PPM1K: variants seen among roughly 807,000 people sequenced by gnomAD.
The protein encoded by PPM1K is protein phosphatase, Mg2+/Mn2+ dependent 1K, also known as protein phosphatase Mn(2+)-dependent 1K.
Under a neutral mutation model 32.6 loss-of-function variants are expected in PPM1K, and 19 were observed. The ratio of observed to expected loss-of-function variants is 0.58; its 90% CI spans 0.41 to 0.86. The LOEUF is 0.86. Ranked by LOEUF, PPM1K falls within the 40% of genes least tolerant of loss-of-function variation. The pLI is 0.00. For missense variants in PPM1K, 362 were observed against 461.2 expected, an observed-to-expected ratio of 0.78 and a Z score of 1.97; for synonymous variants, 159 against 165.3, an observed-to-expected ratio of 0.96 and a Z score of 0.29.
In PPM1K at chr4:88,262,741, A is replaced by T; in HGVS notation, c.988-15T>A. On this transcript the variant is annotated splice_polypyrimidine_tract_variant and intron_variant, in intron 6 of 6. Transcript: ENST00000608933. ...TACTGTATTGCCTGCAAGGTTTGGC[A>T]GGAAGAAAGAGAAAAACATTGGAAA... is the stretch of plus-strand genomic sequence containing the variant. 5.0e-6 allele frequency: 8 copies of T among 1,587,362 alleles called. No individual in the cohort carries two copies. The highest frequency in any genetic ancestry group is 1.7e-4 in the Middle Eastern group (1 of 5,938).
At chr4:88,282,640 T>C (rs78576407) in intron 1 of PPM1K, among the ~76,000 whole-genome samples, 2,749 of 152,278 alleles carry the variant, frequency 0.018, 34 homozygotes, top group East Asian at 0.032. Flanking sequence ...AATTTACTGC[T>C]TTACCTGAGG....
At chr4:88,276,917 T>C in intron 3 of PPM1K, 1 of 767,036 alleles carries the variant, frequency 1.3e-6, no homozygotes, top group Non-Finnish European at 1.8e-6. Flanking sequence ...CTTCTCTTTC[T>C]GAAAAATTCT....
intron 3 of PPM1K, among the ~76,000 whole-genome samples, chr4:88,272,734 T>G (rs1257365901): frequency 1.3e-5 from 2 of 152,202 alleles, no homozygotes; most frequent in Non-Finnish European, 2.9e-5. Flanking sequence ...GCAATAAAAA[T>G]AGCTGACAAT....
At chr4:88,277,741 A>G in intron 2 of PPM1K, 1 of 215,526 alleles carries the variant, frequency 4.6e-6, no homozygotes. Context: ...AATGCCAATC[A>G]TCCAAAGCTA....
intron 3 of PPM1K, among the ~76,000 whole-genome samples, chr4:88,272,250 C>A (rs1249122095): frequency 6.6e-6 from 1 of 151,410 alleles, no homozygotes; most frequent in Non-Finnish European, 1.5e-5. Context: ...CTTTTTTTTT[C>A]TTTTGGCTGT....
At position 88,277,105 on chromosome 4, in the gene PPM1K, A is replaced by G. The variant is rs1458402249; in HGVS notation, c.541+38T>C. 4.0e-6 allele frequency: 6 copies of G among 1,498,060 alleles called. No individual in the cohort carries two copies. The African/African-American group carries it at 8.3e-5, about 21-fold the overall frequency. 92.8% of individuals were successfully genotyped at this position (1,498,060 alleles called of 1,614,324 possible). On this transcript the variant is annotated intron_variant, in intron 3 of 6. Coordinates refer to ENST00000608933, the MANE Select transcript of PPM1K (RefSeq NM_152542.5). ...TTTTTACTCCTCCCCCACCCCATGTACTCCCTAGGATCCAAGGAATGTGAT... is the reference window on the plus strand; with the variant it reads ...TTTTTACTCCTCCCCCACCCCATGTGCTCCCTAGGATCCAAGGAATGTGAT...
chr4:88,268,692 A>G, intron 4 of PPM1K, 49 bp downstream of exon 4: 2 of 1,549,250 alleles, frequency 1.3e-6, no homozygotes, highest in Non-Finnish European at 1.8e-6. Context: ...ATTATGAACT[A>G]AAAACATCAT....
At chr4:88,283,896 C>A (rs1351455950) in intron 1 of PPM1K, 1 of 152,372 alleles carries the variant, frequency 6.6e-6, no homozygotes, top group Admixed American at 6.5e-5. Flanking sequence ...TAGCTGGGCT[C>A]CCTCGGCACC....
rs1159990842 is a variant in PPM1K, at chr4:88,268,289, C to T, written c.753G>A (p.Gln251=). The change falls in exon 5 of 7, where the codon CAG becomes CAA. Residue 251 remains glutamine (Q), a synonymous_variant. Coordinates refer to ENST00000608933, the MANE Select transcript of PPM1K (RefSeq NM_152542.5). ...TTGCAAGCCTGCCATTTACGTGAGG[C>T]TGCCCCAAACTATTCCAAGCTACAA... ...GGFVAWNSLG[Q]PHVNGRLAMT... 3 of 1,614,032 alleles carry T rather than the reference C, an allele frequency of 1.9e-6. No individual in the cohort carries two copies. Among genetic ancestry groups the T allele is most frequent in the Non-Finnish European group, 2.5e-6 (3 of 1,180,032 alleles).
chr4:88,278,489 C>T lies in PPM1K; in HGVS notation c.95G>A (p.Arg32Lys), dbSNP rs1275648792. Reference sequence around the variant, plus strand: ...GCTGTGGCACGTGGGTGTCACCCGCCTGTCGTCCTGCAGCAGGCGGGAGCT... The same window carrying T: ...GCTGTGGCACGTGGGTGTCACCCGCTTGTCGTCCTGCAGCAGGCGGGAGCT... ...LLSSRLLQDDRRVTPTCHSST... is the reference protein window; with the variant it reads ...LLSSRLLQDDKRVTPTCHSST... Residue 32 changes from arginine (R) to lysine (K), a missense_variant, in exon 2 of 7, where the codon AGG (arginine) becomes AAG (lysine). By Grantham distance (26) the Arg-to-Lys change is conservative. Transcript: ENST00000608933. The surrounding 1 kb of genome is among the most constrained non-coding windows in gnomAD (Gnocchi z 4.2). The T allele has an allele frequency of 6.2e-7, 1 of 1,614,086 alleles. No individual in the cohort carries two copies. Among genetic ancestry groups the T allele is most frequent in the Non-Finnish European group, 8.5e-7 (1 of 1,180,054 alleles).
intron 6 of PPM1K, among the ~76,000 whole-genome samples, chr4:88,263,962 G>A (rs1731217537): frequency 1.3e-5 from 2 of 152,180 alleles, no homozygotes; most frequent in South Asian, 2.1e-4. Context: ...TTCTTGACCA[G>A]AGGAACTGTT....
At position 88,258,582 on chromosome 4, in the gene PPM1K, C is replaced by G. The variant is rs557794822; in HGVS notation, c.*4013G>C. On this transcript the variant is annotated 3_prime_UTR_variant, in exon 7 of 7. Coordinates refer to ENST00000608933, the MANE Select transcript of PPM1K (RefSeq NM_152542.5). ...GGCAGAGGTTGCAGTGAGCCAAGAT[C>G]GCGCCACTGCACTCCAGCCTGGCGA... 5.5e-4 allele frequency: 83 copies of G among 151,662 alleles called. 1 individual carries two copies. The highest frequency in any genetic ancestry group is 1.9e-3 in the African/African-American group (79 of 41,298). The allele number at this position is 151,662 out of a possible 1,614,324, so 9.4% of individuals were successfully genotyped here.
chr4:88,276,943 T>A, intron 3 of PPM1K, 200 bp downstream of exon 3: 1 of 681,576 alleles, frequency 1.5e-6, no homozygotes, highest in Non-Finnish European at 2.2e-6. Context: ...ATATTTCATT[T>A]AAAAGTGAGG....
chr4:88,276,741 C>T, intron 3 of PPM1K: 7 of 993,350 alleles, frequency 7.0e-6, no homozygotes, highest in Non-Finnish European at 8.4e-6. Flanking sequence ...ATGTGATTAC[C>T]CTGTAGTGTA....
intron 5 of PPM1K, among the ~76,000 whole-genome samples, chr4:88,266,725 T>TA (rs1731326477): frequency 6.9e-6 from 1 of 145,598 alleles, no homozygotes; most frequent in South Asian, 2.2e-4. Context: ...CAGGTGATGC[T>TA]GATTGGGTGC....
intron 1 of PPM1K, among the ~76,000 whole-genome samples, chr4:88,283,415 T>C (rs1255946434): frequency 1.1e-4 from 16 of 152,254 alleles, no homozygotes; most frequent in Non-Finnish European, 2.4e-4. Context: ...TCATTGCTCT[T>C]TTTCATCGTC....
intron 3 of PPM1K, chr4:88,270,987 T>A (rs752561978): frequency 2.2e-6 from 1 of 458,196 alleles, no homozygotes; most frequent in African/African-American, 2.0e-5. Context: ...TTCAATAAGT[T>A]CTTAACACTC....
rs550221425 is a variant in PPM1K, at chr4:88,282,469, T to C, written c.-60+1937A>G. Among the ~76,000 whole-genome samples, 14 of 152,382 alleles carry C rather than the reference T, an allele frequency of 9.2e-5. No homozygotes were observed. In the East Asian group the frequency reaches 2.7e-3, roughly 29 times the overall value. ...TTCCACAATGAGAACACAGCCCTTT[T>C]AAATATTCTTAAACCAAATATTTAC... is the stretch of plus-strand genomic sequence containing the variant. On this transcript the variant is annotated intron_variant, in intron 1 of 6. Transcript: ENST00000608933.
At chr4:88,283,149 C>G (rs1008031276) in intron 1 of PPM1K, among the ~76,000 whole-genome samples, 2 of 152,232 alleles carry the variant, frequency 1.3e-5, no homozygotes, top group Non-Finnish European at 2.9e-5. Flanking sequence ...GGGTCTTGCT[C>G]TGTCGCCCAG....
Sources: allele counts gnomAD v4.1 joint callset (sites outside exome capture counted in the v4.1 genomes callset), GRCh38; gene constraint gnomAD v4.1.1; non-coding constraint Gnocchi (gnomAD v3.1); transcripts MANE v1.5; gene names NCBI Gene and HGNC (gene_info 2026-07-23, HGNC 2026-07-21).